Variants in UBE2D2 observed in about 807,000 individuals in gnomAD.
UBE2D2 encodes the protein ubiquitin-conjugating enzyme E2 D2.
Under a neutral mutation model 24.2 loss-of-function variants are expected in UBE2D2, and 2 were observed. The observed-to-expected ratio is 0.08, with a 90% CI of 0.03 to 0.26. UBE2D2 has a LOEUF of 0.26. UBE2D2 is among the 10% of genes least tolerant of loss of function. UBE2D2 has a pLI of 1.00. For missense variants in UBE2D2, 44 were observed against 177.6 expected (o/e 0.25, Z 4.28); for synonymous variants, 58 against 56.5 (o/e 1.03, Z -0.12).
At chr5:139,562,189 A>T in intron 1 of UBE2D2, 1 of 1,362,576 alleles carries the variant, frequency 7.3e-7, no homozygotes, top group Non-Finnish European at 9.7e-7. Flanking sequence ...CCTTCGACAG[A>T]GGTCGAAAGG....
chr5:139,563,723 G>A (rs535190742), intron 1 of UBE2D2, among the ~76,000 whole-genome samples: 2 of 152,282 alleles, frequency 1.3e-5, no homozygotes, highest in East Asian at 1.9e-4. Context: ...ACGAGATCAG[G>A]AGATCGAGGC....
At chr5:139,600,535 G>T in intron 2 of UBE2D2, 100 bp downstream of exon 2, 1 of 1,215,414 alleles carries the variant, frequency 8.2e-7, no homozygotes, top group South Asian at 1.3e-5. Context: ...TTAACCCTTA[G>T]TGGCCCATGA....
chr5:139,561,181 G>C (rs1025302788), upstream of UBE2D2: 4 of 152,650 alleles, frequency 2.6e-5, no homozygotes, highest in Non-Finnish European at 5.9e-5. Context: ...GCAGCGTCAC[G>C]CCCTCCGGGG....
At chr5:139,616,776 G>A (rs1754430392) in intron 5 of UBE2D2, among the ~76,000 whole-genome samples, 1 of 152,098 alleles carries the variant, frequency 6.6e-6, no homozygotes, top group South Asian at 2.1e-4. Flanking sequence ...CCCAAATGCT[G>A]AAAAAACTTT....
chr5:139,568,587 G>C (rs1299180642), intron 1 of UBE2D2, among the ~76,000 whole-genome samples: 1 of 152,168 alleles, frequency 6.6e-6, no homozygotes, highest in Non-Finnish European at 1.5e-5. Context: ...GAACCGGGAG[G>C]CAGAGCTTGC....
At chr5:139,585,466 A>G (rs935543929) in intron 1 of UBE2D2, among the ~76,000 whole-genome samples, 2 of 151,740 alleles carry the variant, frequency 1.3e-5, no homozygotes, top group Non-Finnish European at 2.9e-5. Flanking sequence ...GGGCTGAAGC[A>G]GTCCTCCAGC....
At chr5:139,617,922 A>G (rs1754448545) in intron 5 of UBE2D2, among the ~76,000 whole-genome samples, 1 of 152,134 alleles carries the variant, frequency 6.6e-6, no homozygotes, top group Non-Finnish European at 1.5e-5. Context: ...GGTATTTGTC[A>G]TGTTATCACT....
At chr5:139,622,793 A>G (rs948169663) in intron 5 of UBE2D2, among the ~76,000 whole-genome samples, 1 of 151,754 alleles carries the variant, frequency 6.6e-6, no homozygotes, top group Admixed American at 6.6e-5. Context: ...AGGAGGCTGA[A>G]GCAGGAGAAT....
chr5:139,601,518 G>A (rs982372143), intron 2 of UBE2D2, among the ~76,000 whole-genome samples: 7 of 152,170 alleles, frequency 4.6e-5, no homozygotes, highest in African/African-American at 1.7e-4. Flanking sequence ...TAAGGTGGGA[G>A]GTTTGCTTTA....
intron 2 of UBE2D2, among the ~76,000 whole-genome samples, chr5:139,614,313 C>G (rs1051737341): frequency 6.6e-6 from 1 of 152,086 alleles, no homozygotes; most frequent in Non-Finnish European, 1.5e-5. Flanking sequence ...AAGCAGTCCT[C>G]TCACCTCAGC....
intron 5 of UBE2D2, among the ~76,000 whole-genome samples, chr5:139,619,471 G>A (rs1476131390): frequency 6.6e-6 from 1 of 151,814 alleles, no homozygotes; most frequent in Non-Finnish European, 1.5e-5. Context: ...ACAGGTTATA[G>A]AAATAAGAGT....
chr5:139,526,905 A>G (rs1752547357), intron 1 of UBE2D2, among the ~76,000 whole-genome samples: 1 of 152,024 alleles, frequency 6.6e-6, no homozygotes, highest in Admixed American at 6.6e-5. Flanking sequence ...GAATTTCATG[A>G]TTTTGGTTTG....
chr5:139,535,459 CAAAA>C (rs1485167822), intron 1 of UBE2D2, among the ~76,000 whole-genome samples: 1 of 141,054 alleles, frequency 7.1e-6, no homozygotes, highest in Non-Finnish European at 1.6e-5. Context: ...CAAAAAAAAA[CAAAA>C]AACAAAAAAA....
chr5:139,603,764 G>T (rs987573732), intron 2 of UBE2D2, among the ~76,000 whole-genome samples: 1 of 151,852 alleles, frequency 6.6e-6, no homozygotes, highest in East Asian at 1.9e-4. Flanking sequence ...TTGAACTCTG[G>T]TGAAACCCCG....
At chr5:139,620,516 G>A (rs1754495384) in intron 5 of UBE2D2, among the ~76,000 whole-genome samples, 1 of 152,182 alleles carries the variant, frequency 6.6e-6, no homozygotes, top group Non-Finnish European at 1.5e-5. Flanking sequence ...GATGACACCT[G>A]ACAATAGGAA....
At chr5:139,615,613 A>G (rs1754406511) in intron 5 of UBE2D2, among the ~76,000 whole-genome samples, 1 of 152,202 alleles carries the variant, frequency 6.6e-6, no homozygotes, top group Non-Finnish European at 1.5e-5. Flanking sequence ...AGAATAGGAA[A>G]TAGACCAGCC....
At chr5:139,591,866 G>T (rs1186511764) in intron 1 of UBE2D2, among the ~76,000 whole-genome samples, 1 of 152,136 alleles carries the variant, frequency 6.6e-6, no homozygotes, top group Non-Finnish European at 1.5e-5. Flanking sequence ...GGAGAATGCA[G>T]GTACTATAGT....
At chr5:139,574,498 A>G (rs557167042) in intron 1 of UBE2D2, among the ~76,000 whole-genome samples, 29 of 151,810 alleles carry the variant, frequency 1.9e-4, no homozygotes, top group Non-Finnish European at 3.4e-4. Context: ...TTCTTTATTC[A>G]TACTTGGGGA....
At chr5:139,560,323 G>C (rs1041011293), upstream of UBE2D2, among the ~76,000 whole-genome samples, 8 of 150,780 alleles carry the variant, frequency 5.3e-5, no homozygotes, top group Non-Finnish European at 1.0e-4. Flanking sequence ...TCAGCCTCCC[G>C]AGTAGCTGGG....
Sources: gnomAD v4.1 joint callset for allele counts (sites outside exome capture counted in the v4.1 genomes callset) on GRCh38, gnomAD v4.1.1 for gene constraint, MANE v1.5 for transcripts, NCBI Gene and HGNC (gene_info 2026-07-23, HGNC 2026-07-21) for gene names.